NBEA: variants seen among roughly 807,000 people sequenced by gnomAD.
NBEA encodes the protein lysosomal-trafficking regulator 2.
NBEA carries 44 observed loss-of-function variants against 343.4 expected under a neutral mutation model. The observed-to-expected ratio is 0.13, with a 90% CI of 0.10 to 0.16. The LOEUF is 0.16. Ranked by LOEUF, NBEA falls within the 10% of genes least tolerant of loss-of-function variation. NBEA has a pLI of 1.00. For synonymous variants in NBEA, 1,175 were observed against 1,238.7 expected, an observed-to-expected ratio of 0.95 and a Z score of 1.08; for missense variants, 2,555 against 3,631.3, an observed-to-expected ratio of 0.70 and a Z score of 7.62.
intron 34 of NBEA, among the ~76,000 whole-genome samples, chr13:35,288,781 C>T (rs1566571324): frequency 6.6e-6 from 1 of 151,952 alleles, no homozygotes; most frequent in South Asian, 2.1e-4. Context: ...TCTAAATTTA[C>T]ATGAGTTTAA....
At chr13:35,306,847 C>A (rs556362157) in intron 35 of NBEA, among the ~76,000 whole-genome samples, 31 of 152,142 alleles carry the variant, frequency 2.0e-4, no homozygotes, top group African/African-American at 7.2e-4. Flanking sequence ...AAATGTGAAT[C>A]CTTTCCAGCC....
chr13:35,070,650 T>A, intron 9 of NBEA, 69 bp from the exon 10 acceptor site: 1 of 1,353,698 alleles, frequency 7.4e-7, no homozygotes, highest in Non-Finnish European at 1.0e-6. Flanking sequence ...ATAAAGGTAT[T>A]TGGAACAAGG....
chr13:35,515,905 A>G (rs528122132), intron 41 of NBEA, among the ~76,000 whole-genome samples: 125 of 152,324 alleles, frequency 8.2e-4, no homozygotes, highest in Admixed American at 1.6e-3. Context: ...CACATATTAT[A>G]TCACACACAA....
chr13:35,014,557 C>T (rs568081534), intron 1 of NBEA, among the ~76,000 whole-genome samples: 1 of 152,288 alleles, frequency 6.6e-6, no homozygotes, highest in South Asian at 2.1e-4. Flanking sequence ...GTACCTAGCT[C>T]ACTAAACTAA....
At chr13:35,266,751 T>C (rs79259583) in intron 34 of NBEA, among the ~76,000 whole-genome samples, 1 of 151,810 alleles carries the variant, frequency 6.6e-6, no homozygotes, top group Non-Finnish European at 1.5e-5. Context: ...AGAGGAATAA[T>C]TTCAAGAAAT....
chr13:35,109,928 A>G (rs1193479823), intron 12 of NBEA, among the ~76,000 whole-genome samples: 1 of 151,748 alleles, frequency 6.6e-6, no homozygotes, highest in African/African-American at 2.4e-5. Flanking sequence ...CCTAGTTGAA[A>G]TCAATAATGA....
intron 41 of NBEA, among the ~76,000 whole-genome samples, chr13:35,548,434 G>C (rs977624977): frequency 1.3e-5 from 2 of 152,140 alleles, no homozygotes; most frequent in Non-Finnish European, 2.9e-5. Context: ...ATATGACTCT[G>C]TGTGTGTATA....
intron 18 of NBEA, among the ~76,000 whole-genome samples, chr13:35,154,511 A>C (rs2069018621): frequency 6.6e-6 from 1 of 152,224 alleles, no homozygotes; most frequent in Non-Finnish European, 1.5e-5. Flanking sequence ...AGATAAACAC[A>C]AACTCAAGCC....
chr13:35,258,403 A>G (rs2032865978), intron 34 of NBEA, among the ~76,000 whole-genome samples: 1 of 151,770 alleles, frequency 6.6e-6, no homozygotes, highest in African/African-American at 2.4e-5. Context: ...TGACCTCATG[A>G]TCCGCCTGCC....
chr13:35,267,330 C>T (rs2033764772), intron 34 of NBEA, among the ~76,000 whole-genome samples: 1 of 151,878 alleles, frequency 6.6e-6, no homozygotes. Flanking sequence ...TTTAGTCTTT[C>T]CACAATGTGT....
intron 49 of NBEA, among the ~76,000 whole-genome samples, chr13:35,640,228 G>A (rs1015948471): frequency 6.6e-6 from 1 of 152,190 alleles, no homozygotes; most frequent in Admixed American, 6.5e-5. Flanking sequence ...TTCCAGGTAT[G>A]TATCTTTATT....
At chr13:35,308,444 A>G (rs1355243645) in intron 35 of NBEA, among the ~76,000 whole-genome samples, 3 of 30,392 alleles carry the variant, frequency 9.9e-5, no homozygotes, top group East Asian at 1.1e-3. Flanking sequence ...TTTACTATAT[A>G]TATATATATA....
intron 10 of NBEA, among the ~76,000 whole-genome samples, chr13:35,078,546 C>T (rs1465354445): frequency 6.6e-6 from 1 of 152,148 alleles, no homozygotes; most frequent in African/African-American, 2.4e-5. Context: ...GAAGAATGAC[C>T]AACCAAGCCC....
chr13:35,435,836 T>A (rs969403350), intron 39 of NBEA, among the ~76,000 whole-genome samples: 7 of 152,108 alleles, frequency 4.6e-5, no homozygotes, highest in African/African-American at 1.7e-4. Flanking sequence ...GCTGAAACAA[T>A]GTAAATGAGG....
chr13:35,171,800 T>C (rs895090330), intron 26 of NBEA, among the ~76,000 whole-genome samples: 1 of 152,096 alleles, frequency 6.6e-6, no homozygotes, highest in African/African-American at 2.4e-5. Context: ...AAACCAATAC[T>C]GAGGGTAGTG....
At chr13:35,388,759 C>T (rs2042365459) in intron 38 of NBEA, among the ~76,000 whole-genome samples, 1 of 152,166 alleles carries the variant, frequency 6.6e-6, no homozygotes, top group Non-Finnish European at 1.5e-5. Context: ...CATAAATTTC[C>T]TCTTAGCACA....
At chr13:35,392,016 G>C (rs865851392) in intron 38 of NBEA, among the ~76,000 whole-genome samples, 71 of 152,102 alleles carry the variant, frequency 4.7e-4, no homozygotes, top group African/African-American at 1.6e-3. Context: ...TATATATAGG[G>C]GAGACGTAAG....
At chr13:34,968,481 A>G (rs2059899127) in intron 1 of NBEA, among the ~76,000 whole-genome samples, 1 of 152,182 alleles carries the variant, frequency 6.6e-6, no homozygotes, top group Non-Finnish European at 1.5e-5. Context: ...CACCCAGGAC[A>G]TTCTAAAGAT....
At chr13:35,072,311 AT>A (rs2063906636) in intron 10 of NBEA, among the ~76,000 whole-genome samples, 2 of 152,084 alleles carry the variant, frequency 1.3e-5, no homozygotes, top group South Asian at 4.1e-4. Flanking sequence ...GTAATAGGTT[AT>A]TTGGTTTATT....
Sources: allele counts gnomAD v4.1 joint callset (sites outside exome capture counted in the v4.1 genomes callset), GRCh38; gene constraint gnomAD v4.1.1; transcripts MANE v1.5; gene names NCBI Gene and HGNC (gene_info 2026-07-23, HGNC 2026-07-21).